Variants in SCHIP1 observed in about 807,000 individuals in gnomAD.
The protein encoded by SCHIP1 is schwannomin-interacting protein 1.
Under a neutral mutation model 29.7 loss-of-function variants are expected in SCHIP1, and 8 were observed. The ratio of observed to expected loss-of-function variants is 0.27; its 90% CI spans 0.16 to 0.49. SCHIP1 has a LOEUF of 0.49. SCHIP1 is among the 20% of genes least tolerant of loss of function. SCHIP1 has a pLI of 0.99. For synonymous variants in SCHIP1, 76 were observed against 94.9 expected (o/e 0.80, Z 1.16); for missense variants, 193 against 294.6 (o/e 0.66, Z 2.52).
chr3:159,854,996 A>G (rs188963615), intron 1 of SCHIP1, among the ~76,000 whole-genome samples: 2 of 152,280 alleles, frequency 1.3e-5, no homozygotes, highest in Non-Finnish European at 2.9e-5. Flanking sequence ...CAACAACAAA[A>G]CAGAATTGCA....
At chr3:159,334,250 A>G in the SCHIP1 span, among the ~76,000 whole-genome samples, 1 of 152,134 alleles carries the variant, frequency 6.6e-6, no homozygotes, top group Non-Finnish European at 1.5e-5. Context: ...AGACTGTCTG[A>G]CCAGTTGATT....
At chr3:159,775,663 G>A in the SCHIP1 span, among the ~76,000 whole-genome samples, 13 of 152,200 alleles carry the variant, frequency 8.5e-5, no homozygotes, top group Non-Finnish European at 1.5e-5. Flanking sequence ...GGAGAGATGA[G>A]GGCAGGCACT....
chr3:159,892,355 A>G, intron 6 of SCHIP1, 165 bp downstream of exon 7: 1 of 745,028 alleles, frequency 1.3e-6, no homozygotes, highest in Non-Finnish European at 2.2e-6. Context: ...GCAGAATTCC[A>G]TTGTCCTTAC....
chr3:159,773,561 A>G, the SCHIP1 span, among the ~76,000 whole-genome samples: 1 of 152,186 alleles, frequency 6.6e-6, no homozygotes, highest in African/African-American at 2.4e-5. Flanking sequence ...GTGTTCCCCA[A>G]ATTTAATTTG....
chr3:159,812,497 A>C, the SCHIP1 span, among the ~76,000 whole-genome samples: 24,113 of 152,220 alleles, frequency 0.16, 2,014 homozygotes, highest in African/African-American at 0.22. Context: ...TTCACAGTGG[A>C]AACAATGGAG....
chr3:159,401,336 T>C, the SCHIP1 span: 1 of 965,492 alleles, frequency 1.0e-6, no homozygotes, highest in Non-Finnish European at 1.2e-6. Flanking sequence ...CTTTGAGGCA[T>C]CTAGACTAAG....
the SCHIP1 span, among the ~76,000 whole-genome samples, chr3:159,493,004 C>T: frequency 1.1e-4 from 17 of 152,236 alleles, no homozygotes; most frequent in South Asian, 2.1e-4. Context: ...CCAAACTAAG[C>T]TTCATAAGTG....
At chr3:159,413,135 T>C in the SCHIP1 span, among the ~76,000 whole-genome samples, 1 of 152,172 alleles carries the variant, frequency 6.6e-6, no homozygotes, top group Non-Finnish European at 1.5e-5. Flanking sequence ...GTCACTATCA[T>C]GAGAACAGCA....
chr3:159,578,246 T>C, the SCHIP1 span, among the ~76,000 whole-genome samples: 1 of 152,190 alleles, frequency 6.6e-6, no homozygotes, highest in Non-Finnish European at 1.5e-5. Flanking sequence ...ATGGCAATTG[T>C]ACACTCAAAA....
chr3:159,615,128 G>C, the SCHIP1 span, among the ~76,000 whole-genome samples: 1 of 152,206 alleles, frequency 6.6e-6, no homozygotes, highest in African/African-American at 2.4e-5. Context: ...GAACGGGGTA[G>C]AGGTAAGGGC....
chr3:159,684,014 G>T, the SCHIP1 span, among the ~76,000 whole-genome samples: 1 of 152,046 alleles, frequency 6.6e-6, no homozygotes, highest in Non-Finnish European at 1.5e-5. Flanking sequence ...GGAAGAGACT[G>T]CCTCTCCCAG....
At chr3:159,721,988 T>C in the SCHIP1 span, 2 of 362,808 alleles carry the variant, frequency 5.5e-6, no homozygotes, top group South Asian at 4.7e-5. Context: ...GTTCCTTATG[T>C]TCCATAGTCT....
chr3:159,357,836 G>C, the SCHIP1 span, among the ~76,000 whole-genome samples: 9 of 152,190 alleles, frequency 5.9e-5, no homozygotes, highest in Non-Finnish European at 1.0e-4. Context: ...ACTCCCCTTG[G>C]AGTCTTACCA....
At chr3:159,404,514 G>T in the SCHIP1 span, among the ~76,000 whole-genome samples, 2 of 152,184 alleles carry the variant, frequency 1.3e-5, no homozygotes, top group East Asian at 3.9e-4. Flanking sequence ...TGTCACAGGT[G>T]TGGGGTGGTG....
At chr3:159,377,011 C>A in the SCHIP1 span, among the ~76,000 whole-genome samples, 1 of 152,192 alleles carries the variant, frequency 6.6e-6, no homozygotes, top group East Asian at 1.9e-4. Context: ...CATTGTAATA[C>A]CGAAGTTGAA....
chr3:159,435,747 C>A, the SCHIP1 span, among the ~76,000 whole-genome samples: 1 of 152,138 alleles, frequency 6.6e-6, no homozygotes, highest in Non-Finnish European at 1.5e-5. Context: ...GGAAATGCCA[C>A]CCTCTGCATG....
At position 159,878,824 on chromosome 3, in the gene SCHIP1, AAAAT is replaced by A. The variant is rs201536084; in HGVS notation, c.150-7375_150-7372del. On this transcript the variant is annotated intron_variant, in intron 2 of 6. Transcript: ENST00000445224. ...AAAAAAATAAAAAAATAAAAAATAA[AAAAT>A]AAATAAAAATAAATAAATTCCTGCC... 6.3e-3 allele frequency among the ~76,000 whole-genome samples: 949 copies of A among 150,106 alleles called. 12 individuals carry two copies. Among genetic ancestry groups the A allele is most frequent in the East Asian group, 0.046 (236 of 5,168 alleles).
chr3:159,292,836 C>T, the SCHIP1 span, among the ~76,000 whole-genome samples: 1 of 152,182 alleles, frequency 6.6e-6, no homozygotes, highest in South Asian at 2.1e-4. Context: ...TGGCATCGTA[C>T]TTTTTTGGTT....
the SCHIP1 span, among the ~76,000 whole-genome samples, chr3:159,572,464 G>A: frequency 6.6e-6 from 1 of 152,312 alleles, no homozygotes; most frequent in Admixed American, 6.5e-5. Flanking sequence ...TAATTTGATT[G>A]CACTGTGGTC....
Sources: gnomAD v4.1 joint callset for allele counts (sites outside exome capture counted in the v4.1 genomes callset) on GRCh38, gnomAD v4.1.1 for gene constraint, MANE v1.5 for transcripts, NCBI Gene and HGNC (gene_info 2026-07-23, HGNC 2026-07-21) for gene names.